Variants in GNAO1 observed in about 807,000 individuals in gnomAD.
GNAO1 encodes guanine nucleotide-binding protein G(o) subunit alpha.
For missense variants in GNAO1, 166 were observed against 478.7 expected (o/e 0.35, Z 6.10); for synonymous variants, 164 against 180.7 (o/e 0.91, Z 0.74).
At chr16:56,193,722 CT>C in intron 2 of GNAO1, 1 of 233,390 alleles carries the variant, frequency 4.3e-6, no homozygotes, top group East Asian at 1.1e-4. Flanking sequence ...GGCAGGTTTG[CT>C]TGGGGAGGGG....
chr16:56,328,859 G>A (rs2037661941), intron 4 of GNAO1, 68 bp downstream of exon 4: 1 of 1,513,478 alleles, frequency 6.6e-7, no homozygotes, highest in Non-Finnish European at 9.1e-7. Flanking sequence ...GACTGGTGAT[G>A]GGGATTGGCA....
At chr16:56,343,974 C>T (rs762860069) in intron 6 of GNAO1, 29 of 1,608,756 alleles carry the variant, frequency 1.8e-5, no homozygotes, top group East Asian at 4.5e-5. Flanking sequence ...GCCCGGCACC[C>T]TTGCCCTGCC....
chr16:56,341,108 G>A (rs1207292806), intron 6 of GNAO1: 6 of 776,694 alleles, frequency 7.7e-6, no homozygotes, highest in South Asian at 3.6e-5. Flanking sequence ...CCACACAAAC[G>A]GTCCCCCACC....
At chr16:56,220,186 A>T (rs575522792) in intron 2 of GNAO1, among the ~76,000 whole-genome samples, 2 of 152,118 alleles carry the variant, frequency 1.3e-5, no homozygotes, top group Non-Finnish European at 2.9e-5. Context: ...GCAGGCTGGG[A>T]CAAGGCTCCT....
chr16:56,297,297 A>C (rs2037296323), intron 3 of GNAO1, among the ~76,000 whole-genome samples: 1 of 152,008 alleles, frequency 6.6e-6, no homozygotes. Context: ...CTGTACCCTC[A>C]TCCATACAGC....
intron 2 of GNAO1, among the ~76,000 whole-genome samples, chr16:56,225,233 G>T (rs532120562): frequency 6.6e-6 from 1 of 152,300 alleles, no homozygotes; most frequent in African/African-American, 2.4e-5. Context: ...AGCAAAATCT[G>T]GATTGGTTTT....
At chr16:56,323,826 C>G (rs1218708749) in intron 3 of GNAO1, among the ~76,000 whole-genome samples, 1 of 152,080 alleles carries the variant, frequency 6.6e-6, no homozygotes, top group Non-Finnish European at 1.5e-5. Flanking sequence ...AGGCAGGGAG[C>G]CCATGGGAGG....
At chr16:56,240,622 A>G (rs2036685786) in intron 2 of GNAO1, among the ~76,000 whole-genome samples, 2 of 151,956 alleles carry the variant, frequency 1.3e-5, no homozygotes. Context: ...ATTTCTCTCA[A>G]CCTTTGCCAA....
chr16:56,247,881 A>G (rs945993685), intron 2 of GNAO1, among the ~76,000 whole-genome samples: 5 of 152,226 alleles, frequency 3.3e-5, no homozygotes, highest in Admixed American at 2.6e-4. Context: ...ACATTAGGAT[A>G]TTTGGAATTG....
chr16:56,285,185 C>T (rs1049392434), intron 3 of GNAO1, among the ~76,000 whole-genome samples: 6 of 152,242 alleles, frequency 3.9e-5, no homozygotes, highest in Non-Finnish European at 7.3e-5. Flanking sequence ...AAACAGTAAA[C>T]GAAAACTGCA....
At position 56,321,036 on chromosome 16, in the gene GNAO1, C is replaced by T. The variant is rs538332706; in HGVS notation, c.304-7595C>T. On this transcript the variant is annotated intron_variant, in intron 3 of 8. Coordinates refer to ENST00000262493, the MANE Select transcript of GNAO1 (RefSeq NM_020988.3). ...GGCCACCCACACAGGAAACACCACA[C>T]GGCATGTGGGCACTGTGCACGGGGT... Among the ~76,000 whole-genome samples the T allele has an allele frequency of 5.3e-5, 8 of 152,296 alleles. No homozygotes were observed. In the East Asian group the frequency reaches 7.7e-4, roughly 15 times the overall value.
intron 3 of GNAO1, among the ~76,000 whole-genome samples, chr16:56,327,772 C>T (rs2037650534): frequency 6.6e-6 from 1 of 152,068 alleles, no homozygotes. Context: ...GCACCTTAAG[C>T]AAATTCATCT....
At chr16:56,250,804 T>C (rs928577815) in intron 2 of GNAO1, among the ~76,000 whole-genome samples, 13 of 152,230 alleles carry the variant, frequency 8.5e-5, no homozygotes, top group African/African-American at 3.1e-4. Flanking sequence ...AGTGTTTCTT[T>C]ACTGGATATC....
intron 2 of GNAO1, among the ~76,000 whole-genome samples, chr16:56,216,208 A>G (rs1186499443): frequency 6.6e-6 from 1 of 152,218 alleles, no homozygotes; most frequent in Non-Finnish European, 1.5e-5. Flanking sequence ...TAAAATGTAC[A>G]TTTAAGATGT....
At chr16:56,268,753 C>T (rs552732629) in intron 2 of GNAO1, among the ~76,000 whole-genome samples, 7 of 152,316 alleles carry the variant, frequency 4.6e-5, no homozygotes, top group Non-Finnish European at 8.8e-5. Context: ...CTCCTGCCCC[C>T]ACCCACAAAC....
At chr16:56,272,176 G>A (rs1404073835) in intron 2 of GNAO1, among the ~76,000 whole-genome samples, 2 of 152,108 alleles carry the variant, frequency 1.3e-5, no homozygotes, top group East Asian at 3.9e-4. Context: ...AGGCATGGTG[G>A]CGGGCGCCTG....
chr16:56,308,815 G>A (rs1162701101), intron 3 of GNAO1, among the ~76,000 whole-genome samples: 1 of 152,160 alleles, frequency 6.6e-6, no homozygotes, highest in Non-Finnish European at 1.5e-5. Flanking sequence ...ATGGAGTGGA[G>A]AGGGAGGCAG....
intron 6 of GNAO1, chr16:56,339,613 G>A (rs1263700898): frequency 6.6e-6 from 1 of 152,384 alleles, no homozygotes; most frequent in Non-Finnish European, 1.5e-5. Flanking sequence ...GAGAGCCCTG[G>A]GGCTAGTGGC....
At chr16:56,217,040 A>G (rs2036442555) in intron 2 of GNAO1, among the ~76,000 whole-genome samples, 1 of 152,212 alleles carries the variant, frequency 6.6e-6, no homozygotes, top group Admixed American at 6.5e-5. Flanking sequence ...TTGAGAGAGG[A>G]CATCTTTATT....
Sources: gnomAD v4.1 joint callset for allele counts (sites outside exome capture counted in the v4.1 genomes callset) on GRCh38, gnomAD v4.1.1 for gene constraint, MANE v1.5 for transcripts, NCBI Gene and HGNC (gene_info 2026-07-23, HGNC 2026-07-21) for gene names.